The following CNTNAP3B variants were observed in gnomAD, a reference collection of about 807,000 sequenced individuals.
CNTNAP3B encodes the protein contactin-associated protein-like 3B.
CNTNAP3B carries 25 observed loss-of-function variants against 108.9 expected under a neutral mutation model. The observed-to-expected ratio is 0.23, with a 90% CI of 0.17 to 0.32. The LOEUF (loss-of-function observed/expected upper bound fraction) is 0.32, where lower values mean the gene tolerates loss of function less well. Ranked by LOEUF, CNTNAP3B falls within the 10% of genes least tolerant of loss-of-function variation. The probability of loss-of-function intolerance (pLI) is 1.00; values close to 1 mark genes in which losing one functional copy is unlikely to be tolerated. For synonymous variants in CNTNAP3B, 103 were observed against 473.4 expected, an observed-to-expected ratio of 0.22 and a Z score of 10.16; for missense variants, 252 against 1,210.4, an observed-to-expected ratio of 0.21 and a Z score of 11.75.
intron 11 of CNTNAP3B, among the ~76,000 whole-genome samples, chr9:41,962,399 A>T (rs1564160399): frequency 6.6e-6 from 1 of 152,234 alleles, no homozygotes; most frequent in African/African-American, 2.4e-5. Context: ...TTTTGGAGTT[A>T]TATTTTGATT....
intron 17 of CNTNAP3B, among the ~76,000 whole-genome samples, chr9:41,920,805 A>G (rs1483575605): frequency 6.6e-6 from 1 of 152,310 alleles, no homozygotes; most frequent in Non-Finnish European, 1.5e-5. Flanking sequence ...CTAAAAATAA[A>G]GTGTGAAAGG....
At chr9:42,060,013 T>G (rs1479085331) in intron 3 of CNTNAP3B, among the ~76,000 whole-genome samples, 1 of 151,360 alleles carries the variant, frequency 6.6e-6, no homozygotes, top group African/African-American at 2.5e-5. Context: ...TGGATTTTTT[T>G]TCTTCTTTTT....
At chr9:42,063,020 T>C (rs1827201151) in intron 3 of CNTNAP3B, among the ~76,000 whole-genome samples, 1 of 100,694 alleles carries the variant, frequency 9.9e-6, no homozygotes, top group African/African-American at 3.7e-5. Context: ...TAATAGTTTG[T>C]TTTAACCACT....
Position 42,088,597 on chromosome 9 carries a change from G to T in CNTNAP3B, c.197-11535C>A, listed in dbSNP as rs1258255176. On this transcript the variant is annotated intron_variant, in intron 2 of 23. Coordinates refer to ENST00000377561, the MANE Select transcript of CNTNAP3B (RefSeq NM_001201380.3). ...CACATTTTGCTATAGATAACTTGATGCTATTTTGTTTGGCCTGTAGTCAGC... is the reference window on the plus strand; with the variant it reads ...CACATTTTGCTATAGATAACTTGATTCTATTTTGTTTGGCCTGTAGTCAGC... Among the ~76,000 whole-genome samples, 3 of 138,976 alleles carry T rather than the reference G, an allele frequency of 2.2e-5. 1 individual carries two copies. Among genetic ancestry groups the T allele is most frequent in the Non-Finnish European group, 4.6e-5 (3 of 64,984 alleles). The allele number at this position is 138,976 out of a possible 152,430, so 91.2% of individuals were successfully genotyped here. A position where few individuals can be genotyped will look rare whatever the true frequency, so the allele number is the denominator to read the frequency against.
rs557900333 is a variant in CNTNAP3B, at chr9:42,096,526, G to A, written c.196+8103C>T. Among the ~76,000 whole-genome samples, 3 of 135,076 alleles carry A rather than the reference G, an allele frequency of 2.2e-5. No homozygotes were observed. In the East Asian group the frequency reaches 6.9e-4, roughly 31 times the overall value. 88.6% of individuals were successfully genotyped at this position (135,076 alleles called of 152,430 possible). A position where few individuals can be genotyped will look rare whatever the true frequency, so the allele number is the denominator to read the frequency against. On this transcript the variant is annotated intron_variant, in intron 2 of 23. Transcript: ENST00000377561. ...GGACTCAAGACAATCTGAGTTAGGA[G>A]CAAAGACGGAGGTCTGAGGGCACTG...
At chr9:41,927,983 A>G (rs1397844351) in intron 15 of CNTNAP3B, among the ~76,000 whole-genome samples, 2 of 146,678 alleles carry the variant, frequency 1.4e-5, no homozygotes, top group African/African-American at 5.2e-5. Context: ...GCATAATAAA[A>G]ACCATTTTTT....
chr9:41,948,654 TG>T (rs1824599055), intron 13 of CNTNAP3B, among the ~76,000 whole-genome samples: 1 of 151,804 alleles, frequency 6.6e-6, no homozygotes, highest in Non-Finnish European at 1.5e-5. Flanking sequence ...TATGGCAAAA[TG>T]GGAGTTGCTC....
In CNTNAP3B at chr9:42,055,054, G is replaced by A. The variant is rs1475466778; in HGVS notation, c.390+21815C>T. ...TTATATCAGTATACTGAGCTTTAGC[G>A]ATTGGCTTTCATCCTGGAGAAATTT... On this transcript the variant is annotated intron_variant, in intron 3 of 23. Transcript: ENST00000377561. Among the ~76,000 whole-genome samples the A allele has an allele frequency of 6.4e-5, 9 of 140,406 alleles. No homozygotes were observed. In the South Asian group the frequency reaches 6.9e-4, roughly 11 times the overall value. The allele number at this position is 140,406 out of a possible 152,430, so 92.1% of individuals were successfully genotyped here.
chr9:41,967,662 C>A (rs1464463760), intron 10 of CNTNAP3B, among the ~76,000 whole-genome samples: 3 of 152,264 alleles, frequency 2.0e-5, no homozygotes, highest in Admixed American at 2.0e-4. Flanking sequence ...AAGGGAACAG[C>A]AAAGGTCTTT....
chr9:41,922,405 T>G (rs1588040707), intron 17 of CNTNAP3B, among the ~76,000 whole-genome samples: 1 of 140,220 alleles, frequency 7.1e-6, no homozygotes, highest in Admixed American at 7.0e-5. Context: ...GGTGGAGGTT[T>G]CAGTGGGCTG....
rs1390874903 is a variant in CNTNAP3B, at chr9:41,944,866, C to T, written c.2081-6466G>A. Reference sequence around the variant, plus strand: ...AATGGGAGAAAATTTTTGCAATCTACCCATCTGACAAAGGGCTAATATCCA... The same window carrying T: ...AATGGGAGAAAATTTTTGCAATCTATCCATCTGACAAAGGGCTAATATCCA... On this transcript the variant is annotated intron_variant, in intron 13 of 23. Transcript: ENST00000377561. 6.6e-5 allele frequency among the ~76,000 whole-genome samples: 10 copies of T among 152,392 alleles called. No homozygotes were observed. In the East Asian group the frequency reaches 1.9e-3, roughly 29 times the overall value.
intron 2 of CNTNAP3B, among the ~76,000 whole-genome samples, chr9:42,089,368 T>C (rs188511167): frequency 0.014 from 1,757 of 122,376 alleles, 244 homozygotes; most frequent in Admixed American, 0.021. Context: ...AGATTCCTCA[T>C]ACAAAACAAT....
intron 2 of CNTNAP3B, among the ~76,000 whole-genome samples, chr9:42,086,713 G>A (rs1166483209): frequency 5.4e-5 from 6 of 111,782 alleles, no homozygotes; most frequent in African/African-American, 1.5e-4. Flanking sequence ...TCAAACTGGC[G>A]GCATTACAGG....
chr9:41,933,646 C>G (rs1278395802), intron 14 of CNTNAP3B, among the ~76,000 whole-genome samples: 1 of 152,292 alleles, frequency 6.6e-6, no homozygotes, highest in Non-Finnish European at 1.5e-5. Context: ...ACTGAACTCT[C>G]ATTTTTCCTG....
intron 12 of CNTNAP3B, among the ~76,000 whole-genome samples, chr9:41,954,139 G>T (rs1245223221): frequency 1.3e-5 from 2 of 152,238 alleles, no homozygotes; most frequent in Non-Finnish European, 2.9e-5. Context: ...CTATGCTGGT[G>T]CTGTCTGGTC....
At chr9:41,921,554 CA>C (rs1290522989) in intron 17 of CNTNAP3B, among the ~76,000 whole-genome samples, 1 of 152,150 alleles carries the variant, frequency 6.6e-6, no homozygotes, top group Non-Finnish European at 1.5e-5. Flanking sequence ...CGCTTTAAAA[CA>C]CTTAAGAATG....
chr9:41,942,484 G>T (rs1329688115), intron 13 of CNTNAP3B, among the ~76,000 whole-genome samples: 19 of 151,412 alleles, frequency 1.3e-4, no homozygotes, highest in South Asian at 1.0e-3. Flanking sequence ...GGTGGCGGGC[G>T]CCTGTAGTCC....
At chr9:42,032,832 T>C (rs1238726227) in intron 3 of CNTNAP3B, among the ~76,000 whole-genome samples, 1 of 135,770 alleles carries the variant, frequency 7.4e-6, no homozygotes, top group African/African-American at 2.9e-5. Flanking sequence ...TCCTGGCTTG[T>C]GGACGACCAC....
chr9:41,961,885 G>A (rs1469978168), intron 11 of CNTNAP3B, among the ~76,000 whole-genome samples: 2 of 152,290 alleles, frequency 1.3e-5, no homozygotes, highest in African/African-American at 4.8e-5. Flanking sequence ...GCAGGAGATG[G>A]ACATTGCTAA....
Sources: gnomAD v4.1 joint callset for allele counts (sites outside exome capture counted in the v4.1 genomes callset) on GRCh38, gnomAD v4.1.1 for gene constraint, MANE v1.5 for transcripts, NCBI Gene and HGNC (gene_info 2026-07-23, HGNC 2026-07-21) for gene names.